KIAA1549L: variants seen among roughly 807,000 people sequenced by gnomAD.
KIAA1549L encodes the protein UPF0606 protein KIAA1549L.
Under a neutral mutation model 160.7 loss-of-function variants are expected in KIAA1549L, and 88 were observed. That is an observed-to-expected ratio of 0.55 (90% CI 0.46 to 0.65). The LOEUF (loss-of-function observed/expected upper bound fraction) is 0.65, where lower values mean the gene tolerates loss of function less well. Ranked by LOEUF, KIAA1549L falls within the 30% of genes least tolerant of loss-of-function variation. The pLI is 0.00. For synonymous variants in KIAA1549L, 950 were observed against 976.7 expected (o/e 0.97, Z 0.51); for missense variants, 2,258 against 2,437.5 (o/e 0.93, Z 1.55).
intron 10 of KIAA1549L, among the ~76,000 whole-genome samples, chr11:33,575,228 G>A (rs1340881572): frequency 2.6e-5 from 4 of 152,200 alleles, no homozygotes; most frequent in African/African-American, 4.8e-5. Flanking sequence ...ACATGAAGTC[G>A]CTTAGTGCTG....
intron 1 of KIAA1549L, among the ~76,000 whole-genome samples, chr11:33,394,444 T>C (rs148512718): frequency 2.6e-5 from 4 of 151,660 alleles, no homozygotes; most frequent in African/African-American, 9.7e-5. Context: ...AATAAACACT[T>C]GTCAAACAAA....
intron 1 of KIAA1549L, among the ~76,000 whole-genome samples, chr11:33,466,970 G>A (rs1402398023): frequency 2.6e-5 from 4 of 151,368 alleles, no homozygotes; most frequent in Admixed American, 2.6e-4. Context: ...GGCCTGTTGG[G>A]GGGTGGGGGG....
rs902741567 is a variant in KIAA1549L, at chr11:33,569,261, G to A, written c.4230+1034G>A. Among the ~76,000 whole-genome samples the A allele has an allele frequency of 2.0e-4, 30 of 152,192 alleles. 2 individuals are homozygous for A. Among genetic ancestry groups the A allele is most frequent in the Non-Finnish European group, 7.3e-5 (5 of 68,034 alleles). On this transcript the variant is annotated intron_variant, in intron 9 of 20. Transcript: ENST00000658780. The stretch of plus-strand genomic sequence containing the variant: ...TCTCTGGTGTATTCTAGCCAGGTCT[G>A]CTTATCTTGAATTGCACTGTCACCA...
chr11:33,539,900 C>G (rs1853976866), intron 1 of KIAA1549L, among the ~76,000 whole-genome samples: 1 of 152,196 alleles, frequency 6.6e-6, no homozygotes, highest in African/African-American at 2.4e-5. Context: ...GAATGTCAAG[C>G]ACTTCTCAAG....
rs932311490 is a variant in KIAA1549L at position 33,550,781 on chromosome 11, T to C, written c.3502-259T>C. Among the ~76,000 whole-genome samples the C allele has an allele frequency of 1.1e-4, 17 of 152,354 alleles. No homozygotes were observed. The East Asian group carries it at 2.9e-3, about 26-fold the overall frequency. The stretch of plus-strand genomic sequence containing the variant: ...ATAATTGATGGTCACAGGATTATAC[T>C]GAGGCACTTAATAAAAAAGATACAG... On this transcript the variant is annotated intron_variant, in intron 4 of 20. Transcript: ENST00000658780.
chr11:33,458,271 G>A (rs1297255900), intron 1 of KIAA1549L, among the ~76,000 whole-genome samples: 1 of 152,210 alleles, frequency 6.6e-6, no homozygotes, highest in African/African-American at 2.4e-5. Flanking sequence ...AGATAGGATA[G>A]GATATGCTTT....
At chr11:33,571,506 A>G (rs1158396861) in intron 9 of KIAA1549L, among the ~76,000 whole-genome samples, 2 of 152,250 alleles carry the variant, frequency 1.3e-5, no homozygotes, top group Non-Finnish European at 2.9e-5. Flanking sequence ...TACAGGAAGC[A>G]TAGTGTTAGC....
At chr11:33,382,855 G>C (rs1336709487) in intron 1 of KIAA1549L, among the ~76,000 whole-genome samples, 1 of 152,100 alleles carries the variant, frequency 6.6e-6, no homozygotes, top group Non-Finnish European at 1.5e-5. Flanking sequence ...CCCTCCTCGG[G>C]GGACTGAAGG....
chr11:33,531,892 G>A (rs1000933718), intron 1 of KIAA1549L, among the ~76,000 whole-genome samples: 5 of 152,144 alleles, frequency 3.3e-5, no homozygotes, highest in African/African-American at 9.7e-5. Context: ...TTAGAGCCGT[G>A]CTCAGTAATG....
chr11:33,457,154 C>T (rs1851843127), intron 1 of KIAA1549L, among the ~76,000 whole-genome samples: 1 of 144,188 alleles, frequency 6.9e-6, no homozygotes, highest in African/African-American at 2.4e-5. Context: ...TCAGGGTAGT[C>T]CCCTGTCCAG....
intron 1 of KIAA1549L, among the ~76,000 whole-genome samples, chr11:33,476,791 C>T (rs1852295235): frequency 6.6e-6 from 1 of 152,230 alleles, no homozygotes; most frequent in African/African-American, 2.4e-5. Context: ...ATAAACTCTC[C>T]TAACGTCACA....
intron 6 of KIAA1549L, among the ~76,000 whole-genome samples, chr11:33,557,123 G>T (rs1854675537): frequency 6.6e-6 from 1 of 152,114 alleles, no homozygotes; most frequent in Non-Finnish European, 1.5e-5. Flanking sequence ...AAGCAGCTGG[G>T]ACTAAAGGCA....
intron 1 of KIAA1549L, among the ~76,000 whole-genome samples, chr11:33,409,359 A>G (rs919908717): frequency 1.3e-5 from 2 of 152,324 alleles, no homozygotes; most frequent in East Asian, 1.9e-4. Flanking sequence ...CTAGAAAACA[A>G]TAACAGATGA....
At chr11:33,555,851 C>T (rs1854628957) in intron 6 of KIAA1549L, among the ~76,000 whole-genome samples, 1 of 152,074 alleles carries the variant, frequency 6.6e-6, no homozygotes, top group Non-Finnish European at 1.5e-5. Flanking sequence ...AAAAACACTA[C>T]CAGCAGAGTG....
chr11:33,406,674 G>A (rs954181480), intron 1 of KIAA1549L, among the ~76,000 whole-genome samples: 3 of 152,194 alleles, frequency 2.0e-5, no homozygotes, highest in Admixed American at 6.5e-5. Flanking sequence ...CTTTCTTAAG[G>A]CCCCCTAGCC....
intron 15 of KIAA1549L, among the ~76,000 whole-genome samples, chr11:33,616,915 G>A (rs1034430262): frequency 6.6e-6 from 1 of 152,138 alleles, no homozygotes; most frequent in Non-Finnish European, 1.5e-5. Context: ...GAGGTGGGCA[G>A]ATCTCTTGAG....
chr11:33,588,365 G>C (rs557629086), intron 11 of KIAA1549L, among the ~76,000 whole-genome samples: 1 of 152,198 alleles, frequency 6.6e-6, no homozygotes, highest in African/African-American at 2.4e-5. Flanking sequence ...GGTTCAGCTG[G>C]CATGTGAAGG....
chr11:33,435,794 A>ATGTGTGTGTGTGTGTGTGTGTG (rs1447364209), intron 1 of KIAA1549L, among the ~76,000 whole-genome samples: 2 of 32,358 alleles, frequency 6.2e-5, no homozygotes, highest in Non-Finnish European at 1.0e-4. Flanking sequence ...ATATATATAT[A>ATGTGTGTGTGTGTGTGTGTGTG]TATATATATA....
intron 10 of KIAA1549L, among the ~76,000 whole-genome samples, chr11:33,582,834 C>T (rs762188022): frequency 5.1e-4 from 78 of 152,210 alleles, no homozygotes; most frequent in Non-Finnish European, 9.7e-4. Context: ...GCCAGCTATT[C>T]TGGGGGAGAT....
Sources: allele counts gnomAD v4.1 joint callset (sites outside exome capture counted in the v4.1 genomes callset), GRCh38; gene constraint gnomAD v4.1.1; transcripts MANE v1.5; gene names NCBI Gene and HGNC (gene_info 2026-07-23, HGNC 2026-07-21).